DRC11: variants seen among roughly 807,000 people sequenced by gnomAD.
The protein encoded by DRC11 is IQ and AAA domain-containing protein 1.
chr2:236,311,522 A>G, the DRC11 span, among the ~76,000 whole-genome samples: 2 of 152,174 alleles, frequency 1.3e-5, no homozygotes, highest in South Asian at 4.1e-4. The surrounding 1 kb of genome is among the most constrained non-coding windows in gnomAD (Gnocchi z 6.9). Flanking sequence ...CTTGCTCTGC[A>G]TCCAGTATTC....
chr2:236,488,263 A>C, the DRC11 span: 27 of 1,128,998 alleles, frequency 2.4e-5, no homozygotes, highest in African/African-American at 3.2e-5. Flanking sequence ...GACACATCAC[A>C]TGCTTACTTC....
the DRC11 span, chr2:236,441,246 G>A: frequency 2.9e-6 from 2 of 688,602 alleles, no homozygotes; most frequent in African/African-American, 3.6e-5. Flanking sequence ...GTTCCCTGTA[G>A]ATCAAGGGCT....
the DRC11 span, chr2:236,407,950 A>C: frequency 1.9e-6 from 1 of 530,928 alleles, no homozygotes; most frequent in African/African-American, 1.9e-5. Context: ...GCCATGGCCA[A>C]ACTTGGCAGT....
At chr2:236,500,580 G>C in the DRC11 span, among the ~76,000 whole-genome samples, 9 of 152,166 alleles carry the variant, frequency 5.9e-5, no homozygotes, top group Admixed American at 3.3e-4. The surrounding 1 kb of genome is among the most constrained non-coding windows in gnomAD (Gnocchi z 6.3). Flanking sequence ...GCTAGTGAAA[G>C]AGCACTCTTC....
chr2:236,410,795 A>G, the DRC11 span, among the ~76,000 whole-genome samples: 18 of 148,998 alleles, frequency 1.2e-4, no homozygotes, highest in African/African-American at 4.0e-4. Context: ...AGCAATGGGG[A>G]AAGGATTCCC....
the DRC11 span, among the ~76,000 whole-genome samples, chr2:236,438,945 GA>G: frequency 6.7e-6 from 1 of 149,418 alleles, no homozygotes; most frequent in African/African-American, 2.5e-5. Flanking sequence ...CATGGAAACT[GA>G]ACAACCTGCT....
the DRC11 span, among the ~76,000 whole-genome samples, chr2:236,474,773 T>G: frequency 2.1e-4 from 32 of 152,140 alleles, no homozygotes; most frequent in Non-Finnish European, 4.3e-4. Flanking sequence ...GGGGAAAAAT[T>G]TATGAAACTC....
chr2:236,441,015 T>C, the DRC11 span: 1 of 1,359,916 alleles, frequency 7.4e-7, no homozygotes, highest in Non-Finnish European at 1.0e-6. Flanking sequence ...TATATTTACA[T>C]TTTATTTCTC....
chr2:236,339,408 A>G, the DRC11 span, among the ~76,000 whole-genome samples: 1 of 152,170 alleles, frequency 6.6e-6, no homozygotes, highest in Non-Finnish European at 1.5e-5. Context: ...GCAGCAAAAA[A>G]GTTTTTAATT....
the DRC11 span, chr2:236,409,007 C>A: frequency 2.9e-6 from 2 of 682,550 alleles, no homozygotes; most frequent in Non-Finnish European, 5.4e-6. Flanking sequence ...TCCCACGATG[C>A]GTGCTGTGCA....
At chr2:236,357,291 T>C in the DRC11 span, among the ~76,000 whole-genome samples, 3 of 112,784 alleles carry the variant, frequency 2.7e-5, no homozygotes, top group East Asian at 7.3e-4. Flanking sequence ...TATATTTATA[T>C]ATTATATATT....
the DRC11 span, among the ~76,000 whole-genome samples, chr2:236,459,188 AT>A: frequency 4.6e-5 from 7 of 152,308 alleles, no homozygotes; most frequent in African/African-American, 1.4e-4. Flanking sequence ...AAGCCCATAA[AT>A]GACTGGGCAT....
At chr2:236,490,236 GTGTTAC>G in the DRC11 span, among the ~76,000 whole-genome samples, 2 of 152,210 alleles carry the variant, frequency 1.3e-5, no homozygotes, top group Non-Finnish European at 2.9e-5. The surrounding 1 kb of genome is among the most constrained non-coding windows in gnomAD (Gnocchi z 5.5). Context: ...TCCAAGGCTG[GTGTTAC>G]TGTGACCACT....
chr2:236,341,490 AG>A, the DRC11 span, among the ~76,000 whole-genome samples: 11 of 152,160 alleles, frequency 7.2e-5, no homozygotes, highest in Admixed American at 3.3e-4. Flanking sequence ...TAGAGGTGTG[AG>A]GGGTTCTTTC....
chr2:236,308,538 G>C, the DRC11 span, among the ~76,000 whole-genome samples: 2 of 152,200 alleles, frequency 1.3e-5, no homozygotes, highest in African/African-American at 4.8e-5. The surrounding 1 kb of genome is among the most constrained non-coding windows in gnomAD (Gnocchi z 6.0). Context: ...TCACGCTAGC[G>C]CTGCTGTGTG....
chr2:236,408,461 T>C, the DRC11 span: 1 of 740,396 alleles, frequency 1.4e-6, no homozygotes, highest in South Asian at 1.4e-5. The surrounding 1 kb of genome is among the most constrained non-coding windows in gnomAD (Gnocchi z 5.5). Flanking sequence ...TTCACAGGTA[T>C]GGGCTGCTCT....
the DRC11 span, among the ~76,000 whole-genome samples, chr2:236,350,640 C>T: frequency 7.2e-5 from 11 of 152,178 alleles, no homozygotes; most frequent in Non-Finnish European, 1.2e-4. The surrounding 1 kb of genome is among the most constrained non-coding windows in gnomAD (Gnocchi z 5.2). Context: ...GAGGTGGGAG[C>T]GGGACCTGGG....
the DRC11 span, among the ~76,000 whole-genome samples, chr2:236,385,367 G>T: frequency 2.7e-5 from 4 of 145,466 alleles, no homozygotes; most frequent in South Asian, 6.8e-4. Flanking sequence ...TCCTTGAAGA[G>T]GTCCTTCACA....
the DRC11 span, among the ~76,000 whole-genome samples, chr2:236,387,867 A>G: frequency 6.6e-6 from 1 of 152,096 alleles, no homozygotes; most frequent in African/African-American, 2.4e-5. Flanking sequence ...GGTGGTGACA[A>G]AATCTGCAGC....
Sources: allele counts gnomAD v4.1 joint callset (sites outside exome capture counted in the v4.1 genomes callset), GRCh38; gene constraint gnomAD v4.1.1; non-coding constraint Gnocchi (gnomAD v3.1); transcripts MANE v1.5; gene names NCBI Gene and HGNC (gene_info 2026-07-23, HGNC 2026-07-21).